MARCHF7: variants seen among roughly 807,000 people sequenced by gnomAD.
MARCHF7 encodes membrane associated ring-CH-type finger 7, also known as E3 ubiquitin-protein ligase MARCHF7.
MARCHF7 carries 20 observed loss-of-function variants against 76.5 expected under a neutral mutation model. The ratio of observed to expected loss-of-function variants is 0.26; its 90% CI spans 0.18 to 0.38. MARCHF7 has a LOEUF of 0.38. Ranked by LOEUF, MARCHF7 falls within the 10% of genes least tolerant of loss-of-function variation. The pLI is 1.00. For synonymous variants in MARCHF7, 295 were observed against 293.0 expected, an observed-to-expected ratio of 1.01 and a Z score of -0.07; for missense variants, 797 against 812.9, an observed-to-expected ratio of 0.98 and a Z score of 0.24.
chr2:159,740,702 T>C (rs953637776), intron 4 of MARCHF7, among the ~76,000 whole-genome samples: 24 of 152,322 alleles, frequency 1.6e-4, no homozygotes, highest in African/African-American at 5.5e-4. Context: ...AAGTTTGTGC[T>C]AAGCTGAAAA....
chr2:159,764,241 T>TGTGG (rs553061316), intron 10 of MARCHF7, among the ~76,000 whole-genome samples: 2 of 148,208 alleles, frequency 1.3e-5, no homozygotes, highest in Non-Finnish European at 3.0e-5. Flanking sequence ...TGTGTGTGTG[T>TGTGG]GTGTGTGTGT....
intron 9 of MARCHF7, among the ~76,000 whole-genome samples, chr2:159,761,291 T>TG (rs1416101445): frequency 6.6e-6 from 1 of 151,898 alleles, no homozygotes; most frequent in Non-Finnish European, 1.5e-5. Context: ...CCCAAAGTGC[T>TG]GGGATTACAG....
Position 159,743,066 on chromosome 2 carries a change from A to G in MARCHF7, c.159A>G (p.Thr53=), listed in dbSNP as rs1704341992. 6.2e-7 allele frequency: 1 copy of G among 1,613,098 alleles called. No homozygotes were observed. The highest frequency in any genetic ancestry group is 8.5e-7 in the Non-Finnish European group (1 of 1,179,520). ...SFRLDSEYQS[T]SASASASPFQ... is the part of the protein sequence containing the mutation. ...AAATTTTTTTGAACTCACAGTCTAC[A>G]TCAGCATCAGCATCTGCGTCACCAT... is the stretch of plus-strand genomic sequence containing the variant. The change falls in exon 5 of 12, where the codon ACA becomes ACG. Residue 53 remains threonine, a synonymous_variant. Coordinates refer to ENST00000409175, the MANE Select transcript of MARCHF7 (RefSeq NM_001282805.2).
intron 5 of MARCHF7, among the ~76,000 whole-genome samples, chr2:159,744,484 C>T (rs1393354058): frequency 2.0e-5 from 3 of 152,270 alleles, no homozygotes; most frequent in African/African-American, 7.2e-5. Context: ...AGGAGGCTAC[C>T]GTCTCACTCA....
At chr2:159,723,929 G>T (rs1307071905) in intron 3 of MARCHF7, among the ~76,000 whole-genome samples, 1 of 152,094 alleles carries the variant, frequency 6.6e-6, no homozygotes, top group African/African-American at 2.4e-5. Flanking sequence ...TCCTGCTCCA[G>T]TCCGAATTGT....
chr2:159,730,337 C>T (rs1702636837), intron 4 of MARCHF7, among the ~76,000 whole-genome samples: 1 of 152,086 alleles, frequency 6.6e-6, no homozygotes, highest in Non-Finnish European at 1.5e-5. Flanking sequence ...TTGAAAATTT[C>T]TTTGTGTTAA....
At chr2:159,747,660 T>C in intron 6 of MARCHF7, 145 bp from the exon 7 acceptor site, 2 of 696,106 alleles carry the variant, frequency 2.9e-6, no homozygotes, top group East Asian at 6.3e-5. Context: ...TTTATGTTTT[T>C]TCTATAATAA....
Position 159,729,163 on chromosome 2 carries a change from T to G in MARCHF7, c.141T>G (p.Asp47Glu). 1 of 1,596,648 alleles carries G rather than the reference T, an allele frequency of 6.3e-7. No individual in the cohort carries two copies. The highest frequency in any genetic ancestry group is 8.5e-7 in the Non-Finnish European group (1 of 1,174,228). ...CAAGAGACTCTTCATTTAGATTGGA[T>G]TCTGAATATCAGGTAACATTTTTAT... ...YHSRDSSFRLDSEYQSTSASA... is the reference protein window; with the variant it reads ...YHSRDSSFRLESEYQSTSASA... The change falls in exon 4 of 12, where the codon GAT becomes GAG. Residue 47 changes from aspartate to glutamate, a missense_variant. Asp to Glu is a conservative substitution (Grantham distance 45). Transcript: ENST00000409175.
chr2:159,724,980 G>A (rs1159614067), intron 3 of MARCHF7, among the ~76,000 whole-genome samples: 2 of 152,126 alleles, frequency 1.3e-5, no homozygotes, highest in African/African-American at 4.8e-5. Flanking sequence ...ATGGTTTCCA[G>A]CTTCATCTAT....
chr2:159,750,784 T>C (rs542410045), intron 7 of MARCHF7, among the ~76,000 whole-genome samples: 54 of 152,238 alleles, frequency 3.5e-4, no homozygotes, highest in African/African-American at 1.3e-3. Context: ...TATATAAAGT[T>C]AATGTTGTGG....
At chr2:159,720,736 A>G (rs971924192) in intron 3 of MARCHF7, among the ~76,000 whole-genome samples, 1 of 152,202 alleles carries the variant, frequency 6.6e-6, no homozygotes, top group Non-Finnish European at 1.5e-5. Context: ...TTCCTGGTAG[A>G]TTACTAAATT....
intron 4 of MARCHF7, among the ~76,000 whole-genome samples, chr2:159,732,054 A>G (rs928580019): frequency 2.6e-5 from 4 of 152,214 alleles, no homozygotes; most frequent in South Asian, 2.1e-4. Context: ...CAGTGAATCA[A>G]GATCACGCCA....
intron 3 of MARCHF7, among the ~76,000 whole-genome samples, chr2:159,721,671 T>G (rs78698505): frequency 6.6e-6 from 1 of 152,206 alleles, no homozygotes; most frequent in Non-Finnish European, 1.5e-5. Flanking sequence ...TTCTGGAGAA[T>G]AGAAAGTGTA....
At chr2:159,726,556 C>A (rs532648717) in intron 3 of MARCHF7, among the ~76,000 whole-genome samples, 1 of 152,262 alleles carries the variant, frequency 6.6e-6, no homozygotes, top group African/African-American at 2.4e-5. Context: ...GCCACCGCCC[C>A]CGGCCAGATA....
chr2:159,744,198 C>T (rs1410602314), intron 5 of MARCHF7, among the ~76,000 whole-genome samples: 1 of 151,614 alleles, frequency 6.6e-6, no homozygotes, highest in African/African-American at 2.4e-5. Flanking sequence ...CGTTTTTAGC[C>T]GGGATGGTCT....
chr2:159,760,552 A>C (rs1347193908), intron 9 of MARCHF7, among the ~76,000 whole-genome samples: 1 of 152,238 alleles, frequency 6.6e-6, no homozygotes, highest in Non-Finnish European at 1.5e-5. Flanking sequence ...TTGGTATTTA[A>C]AAACCAGGGG....
chr2:159,725,994 C>T lies in MARCHF7; in HGVS notation c.-14-3015C>T, dbSNP rs965593719. Reference sequence around the variant, plus strand: ...TGTAGAAACATGACCACAAAAGAGTCTGTGGGTCTCAATACTGAGTATATA... The same window carrying T: ...TGTAGAAACATGACCACAAAAGAGTTTGTGGGTCTCAATACTGAGTATATA... On this transcript the variant is annotated intron_variant, in intron 3 of 11. Coordinates refer to ENST00000409175, the MANE Select transcript of MARCHF7 (RefSeq NM_001282805.2). Among the ~76,000 whole-genome samples the T allele has an allele frequency of 7.9e-5, 12 of 152,170 alleles. 1 individual carries two copies. The East Asian group carries it at 2.3e-3, about 29-fold the overall frequency.
chr2:159,734,149 T>C, intron 4 of MARCHF7: 1 of 1,099,526 alleles, frequency 9.1e-7, no homozygotes, highest in Non-Finnish European at 1.2e-6. Flanking sequence ...AAAGGGGTTA[T>C]TTGTGGATAT....
Position 159,748,076 on chromosome 2 carries a change from A to G in MARCHF7, c.786A>G (p.Ser262=), listed in dbSNP as rs1225258790. Residue 262 remains serine (S), a synonymous_variant, in exon 7 of 12, where the codon TCA becomes TCG. Coordinates refer to ENST00000409175, the MANE Select transcript of MARCHF7 (RefSeq NM_001282805.2). The part of the protein sequence containing the change: ...PIISNSERVV[S]SQRPFQESSD... ...TAAGCAATTCAGAAAGGGTTGTTTC[A>G]TCTCAAAGACCATTTCAAGAATCTT... The G allele has an allele frequency of 3.1e-6, 5 of 1,614,212 alleles. No homozygotes were observed. The highest frequency in any genetic ancestry group is 4.2e-6 in the Non-Finnish European group (5 of 1,180,030).
Sources: gnomAD v4.1 joint callset for allele counts (sites outside exome capture counted in the v4.1 genomes callset) on GRCh38, gnomAD v4.1.1 for gene constraint, MANE v1.5 for transcripts, NCBI Gene and HGNC (gene_info 2026-07-23, HGNC 2026-07-21) for gene names.